The following PSPH variants were observed in gnomAD, a reference collection of about 807,000 sequenced individuals.
The protein encoded by PSPH is L-3-phosphoserine phosphatase.
Under a neutral mutation model 23.4 loss-of-function variants are expected in PSPH, and 16 were observed. The observed-to-expected ratio is 0.68, with a 90% CI of 0.46 to 1.04. PSPH has a LOEUF of 1.04. Ranked by LOEUF, PSPH falls within the 50% of genes least tolerant of loss-of-function variation. PSPH has a pLI of 0.00. For synonymous variants in PSPH, 68 were observed against 99.7 expected, an observed-to-expected ratio of 0.68 and a Z score of 1.89; for missense variants, 223 against 273.7, an observed-to-expected ratio of 0.81 and a Z score of 1.31.
At chr7:56,019,079 G>A (rs1305485139) in intron 5 of PSPH, among the ~76,000 whole-genome samples, 5 of 152,088 alleles carry the variant, frequency 3.3e-5, no homozygotes, top group Non-Finnish European at 5.9e-5. Flanking sequence ...GGAGTTCAAC[G>A]CTGTAGTAAG....
chr7:56,044,342 G>A (rs575745238), intron 1 of PSPH, among the ~76,000 whole-genome samples: 1 of 152,234 alleles, frequency 6.6e-6, no homozygotes, highest in Admixed American at 6.6e-5. Context: ...CAAGAGCATT[G>A]AGTGTACATC....
At position 56,042,188 on chromosome 7, in the gene PSPH, C is replaced by T. The variant is rs1792636624; in HGVS notation, c.-291-8082G>A. ...ACAGTGAGCCAAGATCCCTACACTC[C>T]AGCCTGGGCGACAGAGCGAGATTCT... On this transcript the variant is annotated intron_variant, in intron 1 of 7. Coordinates refer to ENST00000275605, the MANE Select transcript of PSPH (RefSeq NM_004577.4). 2.8e-5 allele frequency among the ~76,000 whole-genome samples: 4 copies of T among 141,380 alleles called. No homozygotes were observed. In the South Asian group the frequency reaches 9.0e-4, roughly 32 times the overall value. The allele number at this position is 141,380 out of a possible 152,430, so 92.8% of individuals were successfully genotyped here.
chr7:56,015,166 A>T lies in PSPH; in HGVS notation c.427T>A (p.Tyr143Asn). Reference protein sequence around the residue: ...NRLKFYFNGEYAGFDETQPTA... With the variant: ...NRLKFYFNGENAGFDETQPTA... ...GGCTGCGTCTCATCAAAACCTGCAT[A>T]TTCACCTTAAAAGAGAAATAAAAAT... Residue 143 changes from tyrosine to asparagine, a missense_variant, in exon 7 of 8, where the codon TAT becomes AAT. Physicochemically the swap from Tyr to Asn is moderately radical, Grantham distance 143. Transcript: ENST00000275605. 6.2e-7 allele frequency: 1 copy of T among 1,613,928 alleles called. No homozygotes were observed.
At chr7:56,040,993 C>T (rs962481876) in intron 1 of PSPH, among the ~76,000 whole-genome samples, 3 of 152,004 alleles carry the variant, frequency 2.0e-5, no homozygotes, top group Non-Finnish European at 2.9e-5. Context: ...GAGTTAAGGT[C>T]CCAACACCCA....
At chr7:56,038,291 CA>C (rs34887035) in intron 1 of PSPH, among the ~76,000 whole-genome samples, 49,633 of 127,090 alleles carry the variant, frequency 0.39, 9,167 homozygotes, top group Middle Eastern at 0.42. Context: ...ACAAAAAATA[CA>C]AAAAAAAAAA....
At chr7:56,019,179 C>A (rs1478080188) in intron 5 of PSPH, among the ~76,000 whole-genome samples, 2 of 151,996 alleles carry the variant, frequency 1.3e-5, no homozygotes, top group South Asian at 4.2e-4. Flanking sequence ...CAGTGGCTCA[C>A]AGCTATAATC....
chr7:56,011,553 A>T lies in PSPH; in HGVS notation c.*209T>A. On this transcript the variant is annotated 3_prime_UTR_variant, in exon 8 of 8. Transcript: ENST00000275605. ...CAAAAAAAAAAAAAACCTCTCCAGGAAATCAATAGTCATCATATAATACTG... is the reference window on the plus strand; with the variant it reads ...CAAAAAAAAAAAAAACCTCTCCAGGTAATCAATAGTCATCATATAATACTG... The T allele has an allele frequency of 2.8e-6, 1 of 358,484 alleles. No homozygotes were observed. Among genetic ancestry groups the T allele is most frequent in the South Asian group, 3.8e-5 (1 of 26,558 alleles). The allele number at this position is 358,484 out of a possible 1,614,324, so 22.2% of individuals were successfully genotyped here.
At chr7:56,013,003 T>G (rs112474148) in intron 7 of PSPH, among the ~76,000 whole-genome samples, 106 of 150,396 alleles carry the variant, frequency 7.0e-4, no homozygotes, top group African/African-American at 2.4e-3. Flanking sequence ...ATATAGCATT[T>G]GATTATATAT....
intron 3 of PSPH, among the ~76,000 whole-genome samples, chr7:56,025,519 A>G (rs189020416): frequency 1.3e-5 from 2 of 152,224 alleles, no homozygotes; most frequent in East Asian, 3.9e-4. Flanking sequence ...TCAGCCTCCC[A>G]AAGTGCTGGA....
At chr7:56,017,418 A>G (rs1788707801) in intron 5 of PSPH, 39 bp from the exon 6 acceptor site, 1 of 1,520,488 alleles carries the variant, frequency 6.6e-7, no homozygotes, top group Non-Finnish European at 8.8e-7. Context: ...ACTGAGTAAT[A>G]CAAAAGAAAA....
chr7:56,046,475 C>T (rs904475958), intron 1 of PSPH, among the ~76,000 whole-genome samples: 1 of 152,044 alleles, frequency 6.6e-6, no homozygotes, highest in African/African-American at 2.4e-5. Flanking sequence ...AAAGGATCCT[C>T]CCACGTTGGC....
chr7:56,037,750 T>C (rs1791922627), intron 1 of PSPH, among the ~76,000 whole-genome samples: 1 of 148,244 alleles, frequency 6.7e-6, no homozygotes, highest in South Asian at 2.2e-4. Context: ...TCTTGCTCTG[T>C]CACCCAGGCT....
chr7:56,048,004 C>G (rs1174835296), intron 1 of PSPH, among the ~76,000 whole-genome samples: 1 of 150,766 alleles, frequency 6.6e-6, no homozygotes, highest in Admixed American at 6.6e-5. Context: ...TCAGGCCAGG[C>G]GTGGTGGCTC....
In PSPH at chr7:56,011,074, C is replaced by G. The variant is rs181593270; in HGVS notation, c.*688G>C. 1 of 149,684 alleles carries G rather than the reference C, an allele frequency of 6.7e-6. No homozygotes were observed. Among genetic ancestry groups the G allele is most frequent in the Non-Finnish European group, 1.5e-5 (1 of 68,020 alleles). 9.3% of individuals were successfully genotyped at this position (149,684 alleles called of 1,614,324 possible). A position where few individuals can be genotyped will look rare whatever the true frequency, so the allele number is the denominator to read the frequency against. ...AATTCCACAAATCCGTTCTGACATACGGATAAACTTTTATTGACATACCAA... is the reference window on the plus strand; with the variant it reads ...AATTCCACAAATCCGTTCTGACATAGGGATAAACTTTTATTGACATACCAA... On this transcript the variant is annotated 3_prime_UTR_variant, in exon 8 of 8. Transcript: ENST00000275605.
At chr7:56,013,118 T>TAC (rs1349260810) in intron 7 of PSPH, among the ~76,000 whole-genome samples, 1 of 148,796 alleles carries the variant, frequency 6.7e-6, no homozygotes, top group Non-Finnish European at 1.5e-5. Flanking sequence ...TATATATTTA[T>TAC]ATACACACAC....
intron 7 of PSPH, among the ~76,000 whole-genome samples, chr7:56,012,951 C>A (rs1257319474): frequency 5.8e-5 from 7 of 121,048 alleles, no homozygotes; most frequent in Admixed American, 4.3e-4. Flanking sequence ...AAAGGCAAAG[C>A]CCTATGTGAA....
At chr7:56,032,806 G>A (rs1791200842) in intron 2 of PSPH, among the ~76,000 whole-genome samples, 1 of 151,988 alleles carries the variant, frequency 6.6e-6, no homozygotes, top group Admixed American at 6.6e-5. Context: ...AAATAAATGA[G>A]CCAGGCATGG....
intron 1 of PSPH, among the ~76,000 whole-genome samples, chr7:56,043,890 T>C (rs1407100692): frequency 6.6e-6 from 1 of 152,114 alleles, no homozygotes; most frequent in Non-Finnish European, 1.5e-5. Context: ...AGCCAAGCCA[T>C]CATTCACACA....
At chr7:56,032,435 C>T (rs185540918) in intron 2 of PSPH, among the ~76,000 whole-genome samples, 12 of 146,684 alleles carry the variant, frequency 8.2e-5, no homozygotes, top group African/African-American at 1.3e-4. Flanking sequence ...CTAAGGCGGG[C>T]GGATCACGAG....
Sources: allele counts gnomAD v4.1 joint callset (sites outside exome capture counted in the v4.1 genomes callset), GRCh38; gene constraint gnomAD v4.1.1; transcripts MANE v1.5; gene names NCBI Gene and HGNC (gene_info 2026-07-23, HGNC 2026-07-21).